The following IRAG2 variants were observed in gnomAD, a reference collection of about 807,000 sequenced individuals.
IRAG2 encodes the protein inositol 1,4,5-triphosphate receptor associated 2.
Under a neutral mutation model 69.9 loss-of-function variants are expected in IRAG2, and 45 were observed. That is an observed-to-expected ratio of 0.64 (90% confidence interval 0.51 to 0.83). The LOEUF is 0.83. IRAG2 is among the 40% of genes least tolerant of loss of function. The pLI is 0.00. For synonymous variants in IRAG2, 193 were observed against 202.4 expected (o/e 0.95, Z 0.40); for missense variants, 520 against 587.0 (o/e 0.89, Z 1.18).
intron 9 of IRAG2, among the ~76,000 whole-genome samples, chr12:25,079,995 A>G (rs776430202): frequency 6.6e-5 from 10 of 152,240 alleles, no homozygotes; most frequent in Non-Finnish European, 1.3e-4. Flanking sequence ...TTTTGTAGCC[A>G]GAACAAAAAT....
At chr12:25,066,003 GGATTTTCACCCGCTGGCTGTA>G (rs1261333674) in intron 4 of IRAG2, among the ~76,000 whole-genome samples, 1 of 152,124 alleles carries the variant, frequency 6.6e-6, no homozygotes, top group Non-Finnish European at 1.5e-5. Flanking sequence ...GCAGCTGGCT[GGATTTTCACCCGCTGGCTGTA>G]GATTGTTAAC....
upstream of IRAG2, among the ~76,000 whole-genome samples, chr12:25,000,724 G>T (rs559766876): frequency 6.6e-6 from 1 of 152,240 alleles, no homozygotes; most frequent in East Asian, 1.9e-4. Flanking sequence ...TTATCTACAA[G>T]TGTACCATCT....
At chr12:25,073,423 G>C (rs1157718502) in intron 6 of IRAG2, among the ~76,000 whole-genome samples, 3 of 152,204 alleles carry the variant, frequency 2.0e-5, no homozygotes, top group Non-Finnish European at 4.4e-5. Context: ...CTGAGAGTGA[G>C]CACTCAATTA....
At chr12:25,047,490 G>A (rs1210577866), upstream of IRAG2, among the ~76,000 whole-genome samples, 1 of 152,140 alleles carries the variant, frequency 6.6e-6, no homozygotes, top group Non-Finnish European at 1.5e-5. Context: ...CAGGGTACAT[G>A]TGCAGGATGT....
intron 9 of IRAG2, among the ~76,000 whole-genome samples, chr12:25,028,155 C>T (rs1481973214): frequency 2.0e-5 from 3 of 152,042 alleles, no homozygotes; most frequent in African/African-American, 7.2e-5. Flanking sequence ...AAACTCCTGA[C>T]CTCAAGTGAT....
At chr12:25,085,755 C>CCCTAACCCTAACCCTAACCCTAACCCT (rs1565573313) in intron 10 of IRAG2, among the ~76,000 whole-genome samples, 1 of 152,222 alleles carries the variant, frequency 6.6e-6, no homozygotes, top group African/African-American at 2.4e-5. Flanking sequence ...ATCACTAACA[C>CCCTAACCCTAACCCTAACCCTAACCCT]ATCCTCTTAT....
At chr12:25,086,577 G>A (rs915962450) in intron 10 of IRAG2, among the ~76,000 whole-genome samples, 2 of 152,190 alleles carry the variant, frequency 1.3e-5, no homozygotes, top group African/African-American at 2.4e-5. Flanking sequence ...ACTGTGGCAG[G>A]AAGGAAGGGA....
chr12:25,015,087 T>TAAAAAAAA (rs1944510792), intron 3 of IRAG2: 1 of 161,716 alleles, frequency 6.2e-6, no homozygotes, highest in Non-Finnish European at 9.1e-6. Flanking sequence ...AGCATAAATC[T>TAAAAAAAA]GAAAAAAAAA....
At chr12:25,077,040 T>C (rs921820229) in intron 6 of IRAG2, among the ~76,000 whole-genome samples, 1 of 150,948 alleles carries the variant, frequency 6.6e-6, no homozygotes, top group Non-Finnish European at 1.5e-5. Flanking sequence ...TGTGCCCTGC[T>C]CATTTTTTAG....
chr12:25,052,204 C>CTTTTTT (rs10690368), upstream of IRAG2: 3 of 276,892 alleles, frequency 1.1e-5, no homozygotes, highest in Non-Finnish European at 1.2e-5. Flanking sequence ...GCGGTTTGGA[C>CTTTTTT]TTTTTTTTTT....
chr12:25,050,072 G>A (rs1019702381), upstream of IRAG2, among the ~76,000 whole-genome samples: 3 of 149,664 alleles, frequency 2.0e-5, no homozygotes, highest in Admixed American at 1.3e-4. Flanking sequence ...GCAGTGAGCC[G>A]AGATTGCGCC....
At chr12:25,054,265 G>T (rs1591949829) in intron 1 of IRAG2, among the ~76,000 whole-genome samples, 1 of 152,254 alleles carries the variant, frequency 6.6e-6, no homozygotes, top group South Asian at 2.1e-4. Flanking sequence ...ATTGGAGAAG[G>T]TTCCCTTGTG....
chr12:25,003,169 T>C (rs1944404718), upstream of IRAG2, among the ~76,000 whole-genome samples: 1 of 152,116 alleles, frequency 6.6e-6, no homozygotes, highest in South Asian at 2.1e-4. Flanking sequence ...ATTTAAAATT[T>C]CTGTATTATT....
At chr12:25,055,188 C>G (rs927201282) in intron 1 of IRAG2, among the ~76,000 whole-genome samples, 4 of 152,160 alleles carry the variant, frequency 2.6e-5, no homozygotes, top group Admixed American at 2.6e-4. Flanking sequence ...CACACTACAA[C>G]TGGAAATTTA....
intron 10 of IRAG2, among the ~76,000 whole-genome samples, chr12:25,086,137 T>C (rs76168318): frequency 0.011 from 1,645 of 152,282 alleles, 9 homozygotes; most frequent in Middle Eastern, 0.017. Flanking sequence ...CAATTTGCCA[T>C]TGGAAGTTGT....
chr12:25,084,458 G>GT (rs1403079219), intron 10 of IRAG2, among the ~76,000 whole-genome samples: 2 of 152,074 alleles, frequency 1.3e-5, no homozygotes, highest in African/African-American at 4.8e-5. Flanking sequence ...TCATTAAAGA[G>GT]TAACTACAGG....
intron 6 of IRAG2, among the ~76,000 whole-genome samples, chr12:25,074,537 AAG>A (rs1946550691): frequency 6.6e-6 from 1 of 152,192 alleles, no homozygotes; most frequent in African/African-American, 2.4e-5. Context: ...TATGACAACA[AAG>A]TTGATTCTTC....
chr12:25,101,421 T>C (rs1487627037), intron 16 of IRAG2, 96 bp downstream of exon 16: 2 of 797,356 alleles, frequency 2.5e-6, no homozygotes, highest in Non-Finnish European at 3.6e-6. Flanking sequence ...ATAAAACTCT[T>C]AGGTTAACTT....
intron 16 of IRAG2, among the ~76,000 whole-genome samples, chr12:25,043,532 A>G (rs861462): frequency 0.097 from 14,701 of 152,132 alleles, 815 homozygotes; most frequent in East Asian, 0.2. Context: ...GGATGAAAGG[A>G]TGGAAGAGCT....
Sources: allele counts gnomAD v4.1 joint callset (sites outside exome capture counted in the v4.1 genomes callset), GRCh38; gene constraint gnomAD v4.1.1; transcripts MANE v1.5; gene names NCBI Gene and HGNC (gene_info 2026-07-23, HGNC 2026-07-21).